The following FUT8 variants were observed in gnomAD, a reference collection of about 807,000 sequenced individuals.
The protein encoded by FUT8 is alpha-(1,6)-fucosyltransferase.
In FUT8, 29 loss-of-function variants were observed where a neutral mutation model predicts 71.3. The observed-to-expected ratio is 0.41, with a 90% CI of 0.30 to 0.55. The LOEUF is 0.55. Ranked by LOEUF, FUT8 falls within the 20% of genes least tolerant of loss-of-function variation. The pLI is 0.34. For missense variants in FUT8, 544 were observed against 702.1 expected, an observed-to-expected ratio of 0.77 and a Z score of 2.55; for synonymous variants, 254 against 239.3, an observed-to-expected ratio of 1.06 and a Z score of -0.57.
chr14:65,473,388 C>T (rs946879306), intron 2 of FUT8, among the ~76,000 whole-genome samples: 1 of 152,106 alleles, frequency 6.6e-6, no homozygotes, highest in Non-Finnish European at 1.5e-5. Flanking sequence ...TTTGTGTTCT[C>T]TTTCACAGGA....
At chr14:65,408,594 A>G (rs187877526), upstream of FUT8, among the ~76,000 whole-genome samples, 20 of 152,318 alleles carry the variant, frequency 1.3e-4, no homozygotes, top group East Asian at 3.9e-3. Context: ...CCCTATTAAT[A>G]AGGAAGGACG....
intron 2 of FUT8, among the ~76,000 whole-genome samples, chr14:65,498,630 TA>T (rs1461908414): frequency 6.6e-6 from 1 of 152,218 alleles, no homozygotes; most frequent in Non-Finnish European, 1.5e-5. Flanking sequence ...ACAACAATGT[TA>T]TTTATCTCTG....
At chr14:65,359,465 GCTGAAC>G in the FUT8 span, among the ~76,000 whole-genome samples, 1 of 151,902 alleles carries the variant, frequency 6.6e-6, no homozygotes, top group East Asian at 1.9e-4. Context: ...ATCTTCCCTA[GCTGAAC>G]CTCTGAGCCT....
chr14:65,622,268 A>G (rs1453270314), intron 5 of FUT8, among the ~76,000 whole-genome samples: 1 of 150,248 alleles, frequency 6.7e-6, no homozygotes, highest in Non-Finnish European at 1.5e-5. Context: ...TTTCTCTTCT[A>G]CGTACGGGGA....
intron 2 of FUT8, among the ~76,000 whole-genome samples, chr14:65,526,874 A>C (rs1408690599): frequency 6.6e-6 from 1 of 152,174 alleles, no homozygotes; most frequent in African/African-American, 2.4e-5. Context: ...TTTCTTTAAG[A>C]ATTTTGAATA....
chr14:65,474,077 C>T (rs150862902), intron 2 of FUT8, among the ~76,000 whole-genome samples: 84 of 151,928 alleles, frequency 5.5e-4, no homozygotes, highest in African/African-American at 1.9e-3. Flanking sequence ...TTCTCACAAG[C>T]GGGAGCTAAG....
chr14:65,562,075 T>C (rs1452506933), intron 3 of FUT8, among the ~76,000 whole-genome samples: 2 of 152,072 alleles, frequency 1.3e-5, no homozygotes, highest in Non-Finnish European at 2.9e-5. Context: ...AGTGTTAGTG[T>C]ACTTTATATG....
intron 1 of FUT8, among the ~76,000 whole-genome samples, chr14:65,449,686 A>T (rs978936085): frequency 6.6e-6 from 1 of 152,220 alleles, no homozygotes; most frequent in Non-Finnish European, 1.5e-5. Flanking sequence ...ATTTAGGTTG[A>T]TAAATTTTCA....
Position 65,438,051 on chromosome 14 carries a change from C to G in FUT8, c.-325-17570C>G, listed in dbSNP as rs564048160. The stretch of plus-strand genomic sequence containing the variant: ...TATTTTGGCTCACACTTTTACTTCT[C>G]ATATGGGCTTTTATAATAATATGGA... On this transcript the variant is annotated intron_variant, in intron 1 of 10. Transcript: ENST00000673929. 2.6e-5 allele frequency among the ~76,000 whole-genome samples: 4 copies of G among 152,306 alleles called. No homozygotes were observed. The South Asian group carries it at 8.3e-4, about 32-fold the overall frequency.
the FUT8 span, among the ~76,000 whole-genome samples, chr14:65,402,739 A>C: frequency 6.6e-6 from 1 of 151,998 alleles, no homozygotes; most frequent in Admixed American, 6.6e-5. Flanking sequence ...GGCTCAAACA[A>C]TCTCCTGCCT....
At chr14:65,514,144 G>A (rs1379595511) in intron 2 of FUT8, among the ~76,000 whole-genome samples, 1 of 152,226 alleles carries the variant, frequency 6.6e-6, no homozygotes, top group East Asian at 1.9e-4. Flanking sequence ...TGTCCTATCA[G>A]TGCTGTTGGT....
At chr14:65,422,238 T>C (rs764750259) in intron 1 of FUT8, among the ~76,000 whole-genome samples, 1 of 152,034 alleles carries the variant, frequency 6.6e-6, no homozygotes, top group Non-Finnish European at 1.5e-5. Flanking sequence ...CTTTTTTTGT[T>C]CTATGACCAA....
intron 1 of FUT8, among the ~76,000 whole-genome samples, chr14:65,418,068 CTGAG>C (rs2065243409): frequency 6.6e-6 from 1 of 151,980 alleles, no homozygotes; most frequent in African/African-American, 2.4e-5. Context: ...ATTTTAGAAC[CTGAG>C]TAATGAGTTT....
chr14:65,605,605 C>G (rs550444079), intron 3 of FUT8, among the ~76,000 whole-genome samples: 9 of 152,062 alleles, frequency 5.9e-5, no homozygotes, highest in South Asian at 2.1e-4. Flanking sequence ...TCAGAAGAAA[C>G]CAAACCTGCT....
intron 2 of FUT8, among the ~76,000 whole-genome samples, chr14:65,552,028 T>C (rs1407384190): frequency 2.6e-5 from 4 of 152,180 alleles, no homozygotes; most frequent in Admixed American, 2.0e-4. Context: ...ATTGCAACAA[T>C]AAATTACCAT....
intron 1 of FUT8, among the ~76,000 whole-genome samples, chr14:65,433,357 A>T (rs949082074): frequency 5.9e-5 from 9 of 152,220 alleles, no homozygotes; most frequent in African/African-American, 1.9e-4. Context: ...CTTAGCATCA[A>T]AAACAAGTAG....
chr14:65,641,378 A>T lies in FUT8; in HGVS notation c.597+11772A>T, dbSNP rs1035033212. Among the ~76,000 whole-genome samples, 6 of 152,272 alleles carry T rather than the reference A, an allele frequency of 3.9e-5. No homozygotes were observed. In the East Asian group the frequency reaches 1.2e-3, roughly 29 times the overall value. On this transcript the variant is annotated intron_variant, in intron 6 of 10. Coordinates refer to ENST00000673929, the MANE Select transcript of FUT8 (RefSeq NM_001371533.1). The stretch of plus-strand genomic sequence containing the variant: ...ATTCTTAATTACTGACTGGTATTCT[A>T]TTATATGGTTATGCCAAAATTTACT...
intron 7 of FUT8, among the ~76,000 whole-genome samples, chr14:65,695,019 T>C (rs890735881): frequency 9.2e-5 from 14 of 152,114 alleles, no homozygotes; most frequent in Admixed American, 5.2e-4. Context: ...ATTGTGCACA[T>C]GTACCCTAAA....
chr14:65,611,205 GCGCGCGCGCGCGC>G, intron 3 of FUT8, among the ~76,000 whole-genome samples: 1 of 2,198 alleles, frequency 4.5e-4, no homozygotes, highest in East Asian at 0.019. Flanking sequence ...ACACGCGCGC[GCGCGCGCGCGCGC>G]GCGCGCACAC....
Sources: gnomAD v4.1 joint callset for allele counts (sites outside exome capture counted in the v4.1 genomes callset) on GRCh38, gnomAD v4.1.1 for gene constraint, MANE v1.5 for transcripts, NCBI Gene and HGNC (gene_info 2026-07-23, HGNC 2026-07-21) for gene names.